Variants in MAML3 observed in about 807,000 individuals in gnomAD.
MAML3 encodes mastermind-like protein 3.
A neutral mutation model predicts 101.9 loss-of-function variants in MAML3; 27 were observed. The observed-to-expected ratio is 0.27, with a 90% CI of 0.20 to 0.37. The LOEUF is 0.37. MAML3 is among the 10% of genes least tolerant of loss of function. The pLI, the probability that MAML3 is intolerant of heterozygous loss-of-function variation, is 1.00. For synonymous variants in MAML3, 501 were observed against 555.9 expected, an observed-to-expected ratio of 0.90 and a Z score of 1.39; for missense variants, 1,316 against 1,444.9, an observed-to-expected ratio of 0.91 and a Z score of 1.45.
At chr4:139,854,502 C>A (rs995326226) in intron 2 of MAML3, among the ~76,000 whole-genome samples, 1 of 149,908 alleles carries the variant, frequency 6.7e-6, no homozygotes, top group Non-Finnish European at 1.5e-5. Flanking sequence ...GCTCTCAGGG[C>A]CCTTCTAGGT....
chr4:139,809,768 C>G (rs891694730), intron 2 of MAML3, among the ~76,000 whole-genome samples: 1 of 152,132 alleles, frequency 6.6e-6, no homozygotes, highest in Non-Finnish European at 1.5e-5. Context: ...ATGTGAGCCC[C>G]CACCTTCCTG....
intron 1 of MAML3, among the ~76,000 whole-genome samples, chr4:140,106,179 G>A (rs1175147425): frequency 6.6e-6 from 1 of 150,668 alleles, no homozygotes; most frequent in African/African-American, 2.4e-5. Context: ...GGGGAGAGGA[G>A]GCTCAAATTA....
intron 1 of MAML3, among the ~76,000 whole-genome samples, chr4:140,075,398 C>G (rs1377603858): frequency 2.0e-5 from 3 of 152,200 alleles, no homozygotes; most frequent in African/African-American, 7.2e-5. Flanking sequence ...CTCTTGTGCT[C>G]TTAACATCAA....
At chr4:139,759,478 T>TA (rs1273264953) in intron 2 of MAML3, among the ~76,000 whole-genome samples, 1 of 152,222 alleles carries the variant, frequency 6.6e-6, no homozygotes, top group Non-Finnish European at 1.5e-5. Context: ...ATCTCTCCCT[T>TA]ACAATTTTTC....
At chr4:139,849,136 A>G (rs944133040) in intron 2 of MAML3, among the ~76,000 whole-genome samples, 4 of 152,176 alleles carry the variant, frequency 2.6e-5, no homozygotes, top group Admixed American at 6.5e-5. Context: ...TCTTTTTTCA[A>G]ATGGATTCCT....
intron 1 of MAML3, among the ~76,000 whole-genome samples, chr4:140,044,800 A>G (rs1727152383): frequency 6.6e-6 from 1 of 152,210 alleles, no homozygotes; most frequent in Admixed American, 6.5e-5. Context: ...CTGTCTTGGC[A>G]CCAGGCTCAT....
intron 1 of MAML3, among the ~76,000 whole-genome samples, chr4:140,139,273 CT>C (rs951283789): frequency 6.6e-5 from 10 of 151,428 alleles, no homozygotes; most frequent in Non-Finnish European, 1.5e-4. Context: ...TCCCTGTTGT[CT>C]TTTTTTTTCT....
chr4:139,756,914 A>G (rs1445547627), intron 2 of MAML3, among the ~76,000 whole-genome samples: 1 of 152,124 alleles, frequency 6.6e-6, no homozygotes, highest in Non-Finnish European at 1.5e-5. Context: ...TGAATGCATG[A>G]CTAAGTCTCC....
At chr4:139,730,716 A>G in intron 2 of MAML3, 49 bp from the exon 3 acceptor site, 1 of 1,530,178 alleles carries the variant, frequency 6.5e-7, no homozygotes, top group Non-Finnish European at 9.0e-7. Context: ...ATAGAGACTC[A>G]CTGCTGTTTG....
At chr4:139,802,437 C>G (rs1730626169) in intron 2 of MAML3, among the ~76,000 whole-genome samples, 1 of 152,186 alleles carries the variant, frequency 6.6e-6, no homozygotes, top group African/African-American at 2.4e-5. Flanking sequence ...TGCTGCCATG[C>G]CCGACTTCCT....
chr4:140,062,161 T>G (rs1727458208), intron 1 of MAML3, among the ~76,000 whole-genome samples: 1 of 152,194 alleles, frequency 6.6e-6, no homozygotes, highest in Non-Finnish European at 1.5e-5. Context: ...GTTTCCCTCC[T>G]CACACACTGA....
At chr4:139,995,075 T>A (rs1199441753) in intron 1 of MAML3, among the ~76,000 whole-genome samples, 2 of 152,284 alleles carry the variant, frequency 1.3e-5, no homozygotes, top group East Asian at 3.9e-4. Flanking sequence ...TATTCCTATT[T>A]GTTGAAGTTT....
intron 2 of MAML3, among the ~76,000 whole-genome samples, chr4:139,778,550 G>A (rs1232098215): frequency 1.3e-5 from 2 of 152,234 alleles, no homozygotes; most frequent in Non-Finnish European, 2.9e-5. Flanking sequence ...CTGTCAGGAT[G>A]AATTGAAGTT....
intron 2 of MAML3, among the ~76,000 whole-genome samples, chr4:139,759,736 A>AT (rs1485804579): frequency 6.6e-6 from 1 of 151,566 alleles, no homozygotes; most frequent in South Asian, 2.1e-4. Flanking sequence ...AGATAAAAAT[A>AT]TTTTTTTGCA....
At chr4:139,941,152 C>CT (rs1167977546) in intron 1 of MAML3, among the ~76,000 whole-genome samples, 2 of 152,098 alleles carry the variant, frequency 1.3e-5, no homozygotes, top group African/African-American at 4.8e-5. Context: ...CTTGTTTTCT[C>CT]TTTTTAGATT....
At chr4:139,791,507 A>G (rs1331062174) in intron 2 of MAML3, among the ~76,000 whole-genome samples, 1 of 151,546 alleles carries the variant, frequency 6.6e-6, no homozygotes, top group East Asian at 1.9e-4. Flanking sequence ...CATCTCAAAA[A>G]AAAAAAAAAA....
At chr4:140,073,393 C>G (rs1267474582) in intron 1 of MAML3, among the ~76,000 whole-genome samples, 2 of 152,188 alleles carry the variant, frequency 1.3e-5, no homozygotes, top group Non-Finnish European at 2.9e-5. Flanking sequence ...CCACGTAGGT[C>G]TCCCAAAGTG....
intron 2 of MAML3, among the ~76,000 whole-genome samples, chr4:139,786,322 A>G (rs959998806): frequency 6.6e-6 from 1 of 151,914 alleles, no homozygotes; most frequent in Non-Finnish European, 1.5e-5. Context: ...ATGAGTGCTA[A>G]TGTGCTTTAA....
intron 1 of MAML3, among the ~76,000 whole-genome samples, chr4:140,044,746 C>A (rs1727151706): frequency 6.6e-6 from 1 of 152,118 alleles, no homozygotes; most frequent in Admixed American, 6.5e-5. Context: ...TGTGAACTGA[C>A]GTCAAACTGT....
Sources: gnomAD v4.1 joint callset for allele counts (sites outside exome capture counted in the v4.1 genomes callset) on GRCh38, gnomAD v4.1.1 for gene constraint, MANE v1.5 for transcripts, NCBI Gene and HGNC (gene_info 2026-07-23, HGNC 2026-07-21) for gene names.